Variants in PGBD5 observed in about 807,000 individuals in gnomAD.
The protein encoded by PGBD5 is piggyBac transposable element-derived protein 5.
In PGBD5, 14 loss-of-function variants were observed where a neutral mutation model predicts 47.9. The observed-to-expected ratio is 0.29, with a 90% confidence interval of 0.19 to 0.46. The LOEUF (loss-of-function observed/expected upper bound fraction) is 0.46. Ranked by LOEUF, PGBD5 falls within the 20% of genes least tolerant of loss-of-function variation. The probability of loss-of-function intolerance (pLI) is 1.00; values close to 1 mark genes in which losing one functional copy is unlikely to be tolerated. For missense variants in PGBD5, 635 were observed against 716.0 expected (o/e 0.89, Z 1.29); for synonymous variants, 316 against 306.3 (o/e 1.03, Z -0.33).
intron 5 of PGBD5, among the ~76,000 whole-genome samples, chr1:230,326,616 G>GC (rs1312363349): frequency 2.0e-5 from 3 of 151,992 alleles, no homozygotes; most frequent in Admixed American, 1.3e-4. Context: ...ATGCCACCAT[G>GC]CCCAGCTAAT....
Position 230,350,198 on chromosome 1 carries a change from C to T in PGBD5, c.894+760G>A, listed in dbSNP as rs1315314118. Among the ~76,000 whole-genome samples the T allele has an allele frequency of 4.6e-5, 7 of 152,194 alleles. No individual in the cohort carries two copies. The South Asian group carries it at 1.5e-3, about 32-fold the overall frequency. The stretch of plus-strand genomic sequence containing the variant: ...CTGCCTGTCTGATGAGAGAAGGTGT[C>T]GCTGCGCAGCACGCATGAAAAACTA... On this transcript the variant is annotated intron_variant, in intron 3 of 6. Coordinates refer to ENST00000391860, the MANE Select transcript of PGBD5 (RefSeq NM_001258311.2).
chr1:230,382,542 A>G (rs546591636), intron 1 of PGBD5, among the ~76,000 whole-genome samples: 208 of 152,304 alleles, frequency 1.4e-3, no homozygotes, highest in African/African-American at 4.5e-3. Flanking sequence ...CACTGGATAT[A>G]GGGTGACCAG....
chr1:230,426,141 C>T lies in PGBD5; in HGVS notation c.-213G>A, dbSNP rs995484474. 1 of 146,784 alleles carries T rather than the reference C, an allele frequency of 6.8e-6. No homozygotes were observed. Among genetic ancestry groups the T allele is most frequent in the African/African-American group, 2.5e-5 (1 of 40,126 alleles). The allele number at this position is 146,784 out of a possible 1,614,324, so 9.1% of individuals were successfully genotyped here. A position where few individuals can be genotyped will look rare whatever the true frequency, so the allele number is the denominator to read the frequency against. On this transcript the variant is annotated 5_prime_UTR_variant, in exon 1 of 7. Transcript: ENST00000391860. ...AGCTCGGGCGCCGCAGGCTGCGGGCCGCGGCGGGAGGCGAGCCGCGCGCGG... is the reference window on the plus strand; with the variant it reads ...AGCTCGGGCGCCGCAGGCTGCGGGCTGCGGCGGGAGGCGAGCCGCGCGCGG...
At chr1:230,373,935 C>G (rs1667972197) in intron 1 of PGBD5, among the ~76,000 whole-genome samples, 1 of 152,116 alleles carries the variant, frequency 6.6e-6, no homozygotes, top group Non-Finnish European at 1.5e-5. Context: ...CAGACTCAAG[C>G]AATCTTCCTG....
intron 1 of PGBD5, among the ~76,000 whole-genome samples, chr1:230,400,249 T>C (rs918514436): frequency 6.6e-6 from 1 of 152,172 alleles, no homozygotes; most frequent in Non-Finnish European, 1.5e-5. Flanking sequence ...GGCCAACTCC[T>C]TCACCGCCTG....
intron 3 of PGBD5, among the ~76,000 whole-genome samples, chr1:230,344,541 ACGCC>A (rs917553766): frequency 6.6e-6 from 1 of 152,188 alleles, no homozygotes; most frequent in African/African-American, 2.4e-5. Flanking sequence ...TCTTTCCTGA[ACGCC>A]AGAAGCAGCT....
At chr1:230,417,552 G>A (rs372527783) in intron 1 of PGBD5, among the ~76,000 whole-genome samples, 17 of 152,360 alleles carry the variant, frequency 1.1e-4, no homozygotes, top group African/African-American at 2.9e-4. Flanking sequence ...AAAATGGCAC[G>A]CCTTCTCTCC....
chr1:230,345,953 C>T (rs1254911320), intron 3 of PGBD5, among the ~76,000 whole-genome samples: 4 of 152,180 alleles, frequency 2.6e-5, no homozygotes, highest in Non-Finnish European at 1.5e-5. Context: ...AACTCCTGGA[C>T]TCAAGTGGTC....
chr1:230,370,300 G>A (rs1396880846), intron 1 of PGBD5, among the ~76,000 whole-genome samples: 10 of 152,202 alleles, frequency 6.6e-5, no homozygotes, highest in East Asian at 3.9e-4. Flanking sequence ...AAAGGTCAGC[G>A]CTGCGGTTCG....
intron 3 of PGBD5, among the ~76,000 whole-genome samples, chr1:230,347,056 A>G (rs1158818056): frequency 1.3e-5 from 2 of 152,244 alleles, no homozygotes; most frequent in Admixed American, 6.5e-5. Context: ...ATAAAAATAA[A>G]TAAGTATTCT....
chr1:230,396,251 A>ACTCACATTCCTCCTTTTTACC lies in PGBD5; in HGVS notation c.331+29346_331+29347insGGTAAAAAGGAGGAATGTGAG, dbSNP rs1558210787. 7.4e-4 allele frequency among the ~76,000 whole-genome samples: 5 copies of ACTCACATTCCTCCTTTTTACC among 6,756 alleles called. 1 individual carries two copies. The highest frequency in any genetic ancestry group is 1.3e-3 in the Non-Finnish European group (5 of 3,772). 4.4% of individuals were successfully genotyped at this position (6,756 alleles called of 152,430 possible). ...TTTTACCCCCACACTCCTCCCTTTT[A>ACTCACATTCCTCCTTTTTACC]CCCCCACACTCCTCCTTTTTACCCC... On this transcript the variant is annotated intron_variant, in intron 1 of 6. Coordinates refer to ENST00000391860, the MANE Select transcript of PGBD5 (RefSeq NM_001258311.2).
chr1:230,405,847 T>C (rs909977474), intron 1 of PGBD5, among the ~76,000 whole-genome samples: 2 of 152,228 alleles, frequency 1.3e-5, no homozygotes, highest in African/African-American at 4.8e-5. Context: ...GGGTGATTGT[T>C]GTCATTTAAT....
intron 5 of PGBD5, among the ~76,000 whole-genome samples, chr1:230,326,146 G>T (rs1421059148): frequency 6.6e-6 from 1 of 152,254 alleles, no homozygotes; most frequent in African/African-American, 2.4e-5. Context: ...GGCTGCGCAC[G>T]GTGGCTCACG....
chr1:230,333,215 C>T lies in PGBD5; in HGVS notation c.1076-174G>A, dbSNP rs371521594. On this transcript the variant is annotated intron_variant, in intron 4 of 6. Coordinates refer to ENST00000391860, the MANE Select transcript of PGBD5 (RefSeq NM_001258311.2). ...AGAGACTGCTGAAGTTTTGAGGTCT[C>T]GTATCCCTCTGTTGTCTCTCCCCGT... Among the ~76,000 whole-genome samples the T allele has an allele frequency of 1.9e-4, 29 of 152,210 alleles. No homozygotes were observed. In the East Asian group the frequency reaches 2.5e-3, roughly 13 times the overall value.
intron 4 of PGBD5, among the ~76,000 whole-genome samples, chr1:230,334,857 G>A (rs561158233): frequency 6.6e-6 from 1 of 152,266 alleles, no homozygotes; most frequent in South Asian, 2.1e-4. Flanking sequence ...CTTCCAGCTA[G>A]AAGATTCTTT....
chr1:230,329,782 A>G (rs1352901200), intron 5 of PGBD5, among the ~76,000 whole-genome samples: 1 of 152,212 alleles, frequency 6.6e-6, no homozygotes, highest in East Asian at 1.9e-4. Flanking sequence ...CTAAACAACA[A>G]CAAGATAGTA....
intron 2 of PGBD5, among the ~76,000 whole-genome samples, chr1:230,354,152 C>G (rs1667600588): frequency 6.6e-6 from 1 of 152,164 alleles, no homozygotes; most frequent in African/African-American, 2.4e-5. Context: ...TAGTAAACAC[C>G]CAACCGTACT....
At chr1:230,395,401 CCT>C (rs1490249560) in intron 1 of PGBD5, among the ~76,000 whole-genome samples, 5 of 29,866 alleles carry the variant, frequency 1.7e-4, no homozygotes, top group South Asian at 1.8e-3. Context: ...TCCCTGAGCT[CCT>C]CTCACTCCCA....
intron 1 of PGBD5, among the ~76,000 whole-genome samples, chr1:230,385,750 T>C (rs1350692524): frequency 2.0e-5 from 3 of 152,172 alleles, no homozygotes; most frequent in Non-Finnish European, 4.4e-5. Context: ...GAGTTGGCCC[T>C]CTTTTTTATA....
Sources: gnomAD v4.1 joint callset for allele counts (sites outside exome capture counted in the v4.1 genomes callset) on GRCh38, gnomAD v4.1.1 for gene constraint, MANE v1.5 for transcripts, NCBI Gene and HGNC (gene_info 2026-07-23, HGNC 2026-07-21) for gene names.